ENOX1: variants seen among roughly 807,000 people sequenced by gnomAD.
ENOX1 encodes the protein ecto-NOX disulfide-thiol exchanger 1, also known as candidate growth-related and time keeping constitutive hydroquinone (NADH) oxidase.
In ENOX1, 42 loss-of-function variants were observed where a neutral mutation model predicts 82.5. The ratio of observed to expected loss-of-function variants is 0.51; its 90% CI spans 0.40 to 0.66. The LOEUF is 0.66. Ranked by LOEUF, ENOX1 falls within the 30% of genes least tolerant of loss-of-function variation. The pLI is 0.00. For synonymous variants in ENOX1, 271 were observed against 282.2 expected (o/e 0.96, Z 0.40); for missense variants, 608 against 811.6 (o/e 0.75, Z 3.05).
intron 2 of ENOX1, among the ~76,000 whole-genome samples, chr13:43,578,138 A>T (rs958120939): frequency 6.6e-6 from 1 of 152,190 alleles, no homozygotes; most frequent in Non-Finnish European, 1.5e-5. Context: ...ATTTGAAACG[A>T]TCTGGCTTCT....
At chr13:43,317,239 T>C (rs1225290794) in intron 11 of ENOX1, among the ~76,000 whole-genome samples, 1 of 152,176 alleles carries the variant, frequency 6.6e-6, no homozygotes, top group Non-Finnish European at 1.5e-5. Flanking sequence ...TTCAGTTACA[T>C]TCAGTGCTTC....
chr13:43,281,353 A>T (rs895050153), intron 12 of ENOX1, among the ~76,000 whole-genome samples: 1 of 152,220 alleles, frequency 6.6e-6, no homozygotes, highest in Non-Finnish European at 1.5e-5. Context: ...GTAGAAAATT[A>T]TCATCTTAAA....
chr13:43,714,954 T>A lies in ENOX1; in HGVS notation c.-284-47410A>T, dbSNP rs138715206. 9.0e-3 allele frequency among the ~76,000 whole-genome samples: 1,365 copies of A among 152,334 alleles called. 21 individuals carry two copies. The highest frequency in any genetic ancestry group is 0.031 in the African/African-American group (1,293 of 41,568). ...ATATGTTAATTTGGTCCTGTCATTA[T>A]GATGTTAGCTGGTGATTTTGCTCGT... On this transcript the variant is annotated intron_variant, in intron 1 of 16. Transcript: ENST00000690772.
rs558969057 is a variant in ENOX1 at position 43,242,702 on chromosome 13, T to C, written c.1612-5964A>G. ...AGGGGCTGGGTAGGGCCAATCATCT[T>C]TGAATAGTACTTGATGGAACCTCAT... is the stretch of plus-strand genomic sequence containing the variant. On this transcript the variant is annotated intron_variant, in intron 14 of 16. Transcript: ENST00000690772. 5.8e-4 allele frequency among the ~76,000 whole-genome samples: 89 copies of C among 152,352 alleles called. 1 individual carries two copies. The highest frequency in any genetic ancestry group is 2.0e-3 in the African/African-American group (82 of 41,588).
intron 2 of ENOX1, among the ~76,000 whole-genome samples, chr13:43,541,141 C>CCA: frequency 6.9e-6 from 1 of 145,558 alleles, no homozygotes; most frequent in Non-Finnish European, 1.5e-5. Context: ...TCTCATAGTT[C>CCA]CACACTCTCC....
intron 2 of ENOX1, among the ~76,000 whole-genome samples, chr13:43,539,967 C>T (rs1360228886): frequency 6.6e-6 from 1 of 152,080 alleles, no homozygotes; most frequent in African/African-American, 2.4e-5. Flanking sequence ...GCTACCATCA[C>T]CCTTTGCTAG....
At chr13:43,453,304 C>T (rs78374108) in intron 3 of ENOX1, among the ~76,000 whole-genome samples, 2,210 of 152,258 alleles carry the variant, frequency 0.015, 57 homozygotes, top group African/African-American at 0.05. Flanking sequence ...GAAGTACTAG[C>T]AAACTTTTAG....
chr13:43,441,117 A>G (rs768618040), intron 3 of ENOX1, among the ~76,000 whole-genome samples: 17 of 152,214 alleles, frequency 1.1e-4, no homozygotes, highest in Non-Finnish European at 2.1e-4. Flanking sequence ...CTGATTTCTG[A>G]TATTTCTAAT....
At chr13:43,737,570 C>T (rs1278386129) in intron 1 of ENOX1, among the ~76,000 whole-genome samples, 1 of 152,148 alleles carries the variant, frequency 6.6e-6, no homozygotes, top group African/African-American at 2.4e-5. Context: ...TCTCACTAGC[C>T]AAGGACACCG....
At chr13:43,445,493 G>A (rs2056605582) in intron 3 of ENOX1, among the ~76,000 whole-genome samples, 1 of 152,052 alleles carries the variant, frequency 6.6e-6, no homozygotes, top group Non-Finnish European at 1.5e-5. Context: ...CCCATCTAGT[G>A]TTAAAACAGG....
At chr13:43,541,786 T>G (rs2078740379) in intron 2 of ENOX1, among the ~76,000 whole-genome samples, 2 of 152,352 alleles carry the variant, frequency 1.3e-5, no homozygotes, top group Middle Eastern at 3.4e-3. Context: ...TGTTTGTAAT[T>G]GAAATAATAA....
intron 9 of ENOX1, among the ~76,000 whole-genome samples, chr13:43,343,051 A>G (rs1168960383): frequency 6.6e-6 from 1 of 152,246 alleles, no homozygotes; most frequent in East Asian, 1.9e-4. Context: ...CATGGAAATT[A>G]GAACTTATTT....
intron 1 of ENOX1, among the ~76,000 whole-genome samples, chr13:43,760,635 C>T (rs1414655596): frequency 6.6e-6 from 1 of 152,132 alleles, no homozygotes; most frequent in Admixed American, 6.5e-5. Flanking sequence ...ATCCTGCTCT[C>T]TTCAGCTAAA....
At chr13:43,555,657 A>G (rs1008756998) in intron 2 of ENOX1, among the ~76,000 whole-genome samples, 1 of 152,198 alleles carries the variant, frequency 6.6e-6, no homozygotes, top group Non-Finnish European at 1.5e-5. Context: ...GTCTACCTAC[A>G]TGGAAGCTTC....
chr13:43,396,323 C>A (rs894098803), intron 5 of ENOX1, among the ~76,000 whole-genome samples: 17 of 152,210 alleles, frequency 1.1e-4, no homozygotes, highest in Admixed American at 1.1e-3. Context: ...GAGCTCTCTG[C>A]ATCCATTAAA....
rs546871680 is a variant in ENOX1, at chr13:43,409,552, C to T, written c.208+2364G>A. ...CAGTTCCATGAAGTAGATATGATCACCATTTTATAGAAAAGGTAAGATGTT... is the reference window on the plus strand; with the variant it reads ...CAGTTCCATGAAGTAGATATGATCATCATTTTATAGAAAAGGTAAGATGTT... On this transcript the variant is annotated intron_variant, in intron 5 of 16. Transcript: ENST00000690772. 3.9e-5 allele frequency among the ~76,000 whole-genome samples: 6 copies of T among 152,210 alleles called. No individual in the cohort carries two copies. The South Asian group carries it at 1.0e-3, about 26-fold the overall frequency.
At position 43,500,400 on chromosome 13, in the gene ENOX1, T is replaced by C. The variant is rs77307489; in HGVS notation, c.-218-16248A>G. Among the ~76,000 whole-genome samples, 163 of 152,218 alleles carry C rather than the reference T, an allele frequency of 1.1e-3. 2 individuals are homozygous for C. In the East Asian group the frequency reaches 0.03, roughly 28 times the overall value. On this transcript the variant is annotated intron_variant, in intron 2 of 16. Transcript: ENST00000690772. ...TTAGCAGATTTTTCAGCAGAAATGT[T>C]GCAGGCAAGATGAGAGTGGGATGTT...
intron 1 of ENOX1, among the ~76,000 whole-genome samples, chr13:43,759,383 C>T (rs1950837331): frequency 6.6e-6 from 1 of 152,126 alleles, no homozygotes; most frequent in Non-Finnish European, 1.5e-5. Context: ...CAGATGTGAG[C>T]CACTGCTCCC....
At chr13:43,258,253 G>A (rs898511158) in intron 14 of ENOX1, among the ~76,000 whole-genome samples, 1 of 152,202 alleles carries the variant, frequency 6.6e-6, no homozygotes, top group Non-Finnish European at 1.5e-5. Flanking sequence ...TGGGATGGGG[G>A]TGTCCTAACA....
Sources: allele counts gnomAD v4.1 joint callset (sites outside exome capture counted in the v4.1 genomes callset), GRCh38; gene constraint gnomAD v4.1.1; transcripts MANE v1.5; gene names NCBI Gene and HGNC (gene_info 2026-07-23, HGNC 2026-07-21).